The following OBI1 variants were observed in gnomAD, a reference collection of about 807,000 sequenced individuals.
OBI1 encodes ring finger protein 219.
Under a neutral mutation model 62.4 loss-of-function variants are expected in OBI1, and 59 were observed. The observed-to-expected ratio is 0.95, with a 90% CI of 0.77 to 1.17. The LOEUF is 1.17. OBI1 is among the 50% of genes most tolerant of loss of function. The pLI is 0.00. For missense variants in OBI1, 875 were observed against 830.9 expected (o/e 1.05, Z -0.65); for synonymous variants, 302 against 292.8 (o/e 1.03, Z -0.32).
chr13:78,634,411 C>T (rs1593792937), intron 5 of OBI1, among the ~76,000 whole-genome samples: 1 of 152,058 alleles, frequency 6.6e-6, no homozygotes, highest in African/African-American at 2.4e-5. Flanking sequence ...TCTCCTGCCT[C>T]AGCCTCCCGA....
chr13:78,617,204 T>C, intron 5 of OBI1, 82 bp from the exon 6 acceptor site: 1 of 1,082,822 alleles, frequency 9.2e-7, no homozygotes, highest in Non-Finnish European at 1.3e-6. Flanking sequence ...TGTCCCAGGC[T>C]ATTCTAATTT....
At position 78,615,432 on chromosome 13, in the gene OBI1, G is replaced by A. The variant is rs1351074397; in HGVS notation, c.*148C>T. ...TCAAAATGAACAATAAGTATTCTGG[G>A]TACAGGTTAATCCACCATCCTGACT... On this transcript the variant is annotated 3_prime_UTR_variant, in exon 6 of 6. Coordinates refer to ENST00000282003, the MANE Select transcript of OBI1 (RefSeq NM_024546.4). The A allele has an allele frequency of 3.6e-6, 2 of 563,018 alleles. No individual in the cohort carries two copies. Among genetic ancestry groups the A allele is most frequent in the Non-Finnish European group, 6.2e-6 (2 of 323,966 alleles). The allele number at this position is 563,018 out of a possible 1,614,324, so 34.9% of individuals were successfully genotyped here.
intron 5 of OBI1, 129 bp downstream of exon 5, chr13:78,634,981 T>C: frequency 1.9e-6 from 1 of 538,766 alleles, no homozygotes; most frequent in Non-Finnish European, 3.2e-6. Flanking sequence ...ACTTGACTTT[T>C]AAAGGCAAGA....
chr13:78,621,661 T>C (rs1341392937), intron 5 of OBI1, among the ~76,000 whole-genome samples: 2 of 152,208 alleles, frequency 1.3e-5, no homozygotes, highest in East Asian at 1.9e-4. Context: ...ATTACAACAA[T>C]GTCAGTCCAT....
intron 5 of OBI1, among the ~76,000 whole-genome samples, chr13:78,632,627 T>C (rs1278777717): frequency 6.6e-6 from 1 of 152,178 alleles, no homozygotes; most frequent in African/African-American, 2.4e-5. Context: ...TTTGCTTGCA[T>C]TTATTTGTGA....
At chr13:78,622,373 T>C (rs1356614301) in intron 5 of OBI1, among the ~76,000 whole-genome samples, 2 of 152,152 alleles carry the variant, frequency 1.3e-5, no homozygotes, top group Non-Finnish European at 2.9e-5. Context: ...GCCTGGGAAA[T>C]CAAGGCTGCA....
intron 3 of OBI1, among the ~76,000 whole-genome samples, chr13:78,639,688 T>C (rs1176603826): frequency 1.3e-5 from 2 of 148,792 alleles, no homozygotes; most frequent in East Asian, 3.9e-4. Flanking sequence ...TCATGTCCTT[T>C]GTAGGGACAT....
Position 78,642,220 on chromosome 13 carries a change from G to GA in OBI1, c.209-8_209-7insT. 2 of 1,513,732 alleles carry GA rather than the reference G, an allele frequency of 1.3e-6. No individual in the cohort carries two copies. The highest frequency in any genetic ancestry group is 1.8e-6 in the Non-Finnish European group (2 of 1,107,182). 93.8% of individuals were successfully genotyped at this position (1,513,732 alleles called of 1,614,324 possible). On this transcript the variant is annotated splice_polypyrimidine_tract_variant and splice_region_variant and intron_variant, in intron 2 of 5. Transcript: ENST00000282003. ...TCACTTTCACTTGTTCCTCCTGTAGGGAAAAAAAAAAAAATCCTAATTTTT... is the reference window on the plus strand; with the variant it reads ...TCACTTTCACTTGTTCCTCCTGTAGGAGAAAAAAAAAAAAATCCTAATTTTT...
At chr13:78,636,761 A>T (rs1478777621) in intron 4 of OBI1, among the ~76,000 whole-genome samples, 1 of 152,228 alleles carries the variant, frequency 6.6e-6, no homozygotes, top group Non-Finnish European at 1.5e-5. Context: ...ATATATGCAG[A>T]CAATGAATTA....
At position 78,616,403 on chromosome 13, in the gene OBI1, T is replaced by C; in HGVS notation, c.1358A>G (p.Glu453Gly). The stretch of plus-strand genomic sequence containing the variant: ...GGAAGAAAAACATTCTGATTTCTTT[T>C]CATTTTCACTTCTACTTATATCATC... ...SEDDISRSEN[E>G]KKSECFSSPK... The change falls in exon 6 of 6, where the codon GAA becomes GGA. Residue 453 changes from glutamate to glycine, a missense_variant. Transcript: ENST00000282003. 1.9e-6 allele frequency: 3 copies of C among 1,612,890 alleles called. No homozygotes were observed. Among genetic ancestry groups the C allele is most frequent in the Non-Finnish European group, 2.5e-6 (3 of 1,179,418 alleles).
At position 78,639,088 on chromosome 13, in the gene OBI1, T is replaced by A. The variant is rs143374733; in HGVS notation, c.301-17A>T. On this transcript the variant is annotated splice_polypyrimidine_tract_variant and intron_variant, in intron 3 of 5. Coordinates refer to ENST00000282003, the MANE Select transcript of OBI1 (RefSeq NM_024546.4). Reference sequence around the variant, plus strand: ...TATTTCGTCCTGAAAAAGCATTGCATAGTCATGAGGCAGGCATAGACACTA... The same window carrying A: ...TATTTCGTCCTGAAAAAGCATTGCAAAGTCATGAGGCAGGCATAGACACTA... 1.2e-6 allele frequency: 2 copies of A among 1,609,238 alleles called. No homozygotes were observed. The highest frequency in any genetic ancestry group is 1.7e-6 in the Non-Finnish European group (2 of 1,177,768).
chr13:78,657,796 G>A (rs945433804), intron 1 of OBI1, among the ~76,000 whole-genome samples: 2 of 152,088 alleles, frequency 1.3e-5, no homozygotes, highest in East Asian at 3.9e-4. Flanking sequence ...TTTATGTCAG[G>A]AGCCAAATGT....
intron 5 of OBI1, among the ~76,000 whole-genome samples, chr13:78,619,468 C>T (rs762016786): frequency 2.6e-5 from 4 of 151,608 alleles, no homozygotes; most frequent in Non-Finnish European, 4.4e-5. Flanking sequence ...ATATGAGAGG[C>T]ACAAGCAAGC....
At chr13:78,627,387 T>C (rs111815103) in intron 5 of OBI1, among the ~76,000 whole-genome samples, 3,990 of 151,804 alleles carry the variant, frequency 0.026, 167 homozygotes, top group African/African-American at 0.091. Context: ...CCATGGTGGT[T>C]TGCTGCACCT....
chr13:78,645,979 A>G (rs9601109), intron 1 of OBI1, among the ~76,000 whole-genome samples: 25,746 of 152,178 alleles, frequency 0.17, 3,023 homozygotes, highest in Non-Finnish European at 0.22. Context: ...CGGCTTTCAC[A>G]TGCATCTTTC....
intron 1 of OBI1, among the ~76,000 whole-genome samples, chr13:78,646,953 T>C (rs900510936): frequency 4.6e-5 from 7 of 152,192 alleles, no homozygotes; most frequent in African/African-American, 1.7e-4. Flanking sequence ...CACAGAAACA[T>C]GTGTTGCATG....
intron 3 of OBI1, 133 bp downstream of exon 3, chr13:78,641,985 TCAAA>T (rs1566283781): frequency 2.3e-6 from 1 of 426,896 alleles, no homozygotes. Context: ...AAAGAATTTA[TCAAA>T]CAATTTCTTT....
At chr13:78,656,543 T>C (rs1490983782) in intron 1 of OBI1, among the ~76,000 whole-genome samples, 5 of 151,312 alleles carry the variant, frequency 3.3e-5, no homozygotes, top group Admixed American at 2.0e-4. Flanking sequence ...GATCGCGCCA[T>C]TGCTCTCCAG....
intron 5 of OBI1, among the ~76,000 whole-genome samples, chr13:78,629,044 C>T (rs1283440494): frequency 6.6e-6 from 1 of 152,098 alleles, no homozygotes; most frequent in Non-Finnish European, 1.5e-5. Context: ...GAAGCAAGCC[C>T]AGGTCACAAT....
Sources: allele counts gnomAD v4.1 joint callset (sites outside exome capture counted in the v4.1 genomes callset), GRCh38; gene constraint gnomAD v4.1.1; transcripts MANE v1.5; gene names NCBI Gene and HGNC (gene_info 2026-07-23, HGNC 2026-07-21).